Variants in MAML3 observed in about 807,000 individuals in gnomAD.
The protein encoded by MAML3 is mastermind-like protein 3.
Under a neutral mutation model 101.9 loss-of-function variants are expected in MAML3, and 27 were observed. The observed-to-expected ratio is 0.27, with a 90% CI of 0.20 to 0.37. The LOEUF (loss-of-function observed/expected upper bound fraction) is 0.37, where lower values mean the gene tolerates loss of function less well. MAML3 is among the 10% of genes least tolerant of loss of function. MAML3 has a pLI of 1.00. For missense variants in MAML3, 1,316 were observed against 1,444.9 expected, an observed-to-expected ratio of 0.91 and a Z score of 1.45; for synonymous variants, 501 against 555.9, an observed-to-expected ratio of 0.90 and a Z score of 1.39.
chr4:140,038,620 T>G (rs1301180927), intron 1 of MAML3, among the ~76,000 whole-genome samples: 1 of 152,172 alleles, frequency 6.6e-6, no homozygotes, highest in Non-Finnish European at 1.5e-5. Flanking sequence ...ACGTGTGACT[T>G]TGGACAAGTA....
intron 1 of MAML3, among the ~76,000 whole-genome samples, chr4:140,029,202 A>G (rs899825165): frequency 6.6e-6 from 1 of 152,168 alleles, no homozygotes; most frequent in Admixed American, 6.5e-5. Context: ...AGCAACACCA[A>G]TTCAACTAGA....
At chr4:139,947,739 C>T (rs1733755976) in intron 1 of MAML3, among the ~76,000 whole-genome samples, 1 of 152,090 alleles carries the variant, frequency 6.6e-6, no homozygotes, top group Non-Finnish European at 1.5e-5. Flanking sequence ...AGCAGGATTC[C>T]GTCTCAAAAA....
intron 2 of MAML3, among the ~76,000 whole-genome samples, chr4:139,882,784 G>A (rs1278939957): frequency 6.6e-6 from 1 of 152,180 alleles, no homozygotes; most frequent in Non-Finnish European, 1.5e-5. Flanking sequence ...GGGAGGCAGA[G>A]GTGGCAGTGA....
chr4:140,067,571 C>G (rs1727560332), intron 1 of MAML3, among the ~76,000 whole-genome samples: 1 of 152,044 alleles, frequency 6.6e-6, no homozygotes, highest in African/African-American at 2.4e-5. Context: ...TCTGTATTGT[C>G]TCAATATTTA....
intron 1 of MAML3, among the ~76,000 whole-genome samples, chr4:140,000,655 G>A (rs186798134): frequency 2.6e-5 from 4 of 152,274 alleles, no homozygotes; most frequent in South Asian, 4.1e-4. Flanking sequence ...GAAGAATGGC[G>A]GTGGGGAACG....
At chr4:139,781,194 G>C (rs1730198750) in intron 2 of MAML3, among the ~76,000 whole-genome samples, 2 of 151,998 alleles carry the variant, frequency 1.3e-5, no homozygotes, top group Admixed American at 1.3e-4. Context: ...CTGAAAAATA[G>C]AGTTGCAGAG....
intron 1 of MAML3, among the ~76,000 whole-genome samples, chr4:139,928,982 G>C (rs1018328995): frequency 2.6e-5 from 4 of 152,206 alleles, no homozygotes; most frequent in African/African-American, 9.7e-5. Flanking sequence ...GGAAGTATAT[G>C]AGCATAATCA....
At chr4:139,860,521 G>T (rs1578634759) in intron 2 of MAML3, among the ~76,000 whole-genome samples, 1 of 152,172 alleles carries the variant, frequency 6.6e-6, no homozygotes, top group Non-Finnish European at 1.5e-5. Context: ...CCCACAAAAT[G>T]AAGACAAATA....
intron 1 of MAML3, among the ~76,000 whole-genome samples, chr4:139,964,209 C>T (rs1734080984): frequency 6.6e-6 from 1 of 152,144 alleles, no homozygotes; most frequent in African/African-American, 2.4e-5. Flanking sequence ...CAATGATAGA[C>T]TGGATAAAGA....
chr4:139,976,833 T>C (rs1000237105), intron 1 of MAML3, among the ~76,000 whole-genome samples: 2 of 152,210 alleles, frequency 1.3e-5, no homozygotes, highest in Non-Finnish European at 2.9e-5. Context: ...GTGATTTTTT[T>C]TTCCCTCCAG....
chr4:140,038,431 T>C (rs1439497792), intron 1 of MAML3, among the ~76,000 whole-genome samples: 1 of 152,224 alleles, frequency 6.6e-6, no homozygotes, highest in Non-Finnish European at 1.5e-5. Flanking sequence ...TGGCTTCTGA[T>C]ATTTTTATGG....
chr4:140,048,274 A>T (rs557934566), intron 1 of MAML3, among the ~76,000 whole-genome samples: 148 of 152,366 alleles, frequency 9.7e-4, no homozygotes, highest in African/African-American at 3.5e-3. Flanking sequence ...AAACATGTGC[A>T]AATTCAGCAA....
chr4:139,749,757 T>TA (rs1729443353), intron 2 of MAML3, among the ~76,000 whole-genome samples: 1 of 152,138 alleles, frequency 6.6e-6, no homozygotes, highest in Non-Finnish European at 1.5e-5. Flanking sequence ...AAACAGGAGC[T>TA]CTCACTACAT....
chr4:139,861,477 ATG>A (rs55851938), intron 2 of MAML3, among the ~76,000 whole-genome samples: 2,123 of 146,352 alleles, frequency 0.015, 33 homozygotes, highest in East Asian at 0.053. Context: ...TAACCAGCCG[ATG>A]TGTGTGTGTG....
At chr4:139,813,383 C>G (rs1730837708) in intron 2 of MAML3, among the ~76,000 whole-genome samples, 1 of 152,114 alleles carries the variant, frequency 6.6e-6, no homozygotes, top group Non-Finnish European at 1.5e-5. Context: ...GCAGGGAACA[C>G]CACTGTGAAA....
chr4:140,092,207 G>C (rs557719675), intron 1 of MAML3, among the ~76,000 whole-genome samples: 3 of 150,972 alleles, frequency 2.0e-5, no homozygotes, highest in East Asian at 3.9e-4. Context: ...GCTTTTCCCC[G>C]ATGCAGACAC....
chr4:140,029,651 A>C (rs9994076), intron 1 of MAML3, among the ~76,000 whole-genome samples: 4,801 of 152,302 alleles, frequency 0.032, 254 homozygotes, highest in African/African-American at 0.11. Flanking sequence ...ATTTATAAAT[A>C]TTACATCTAT....
intron 1 of MAML3, among the ~76,000 whole-genome samples, chr4:139,983,424 T>C (rs1734481601): frequency 6.6e-6 from 1 of 152,190 alleles, no homozygotes; most frequent in African/African-American, 2.4e-5. Flanking sequence ...ACAGGTTAAA[T>C]GTTGCTGAGG....
At chr4:140,108,514 T>A (rs1728390032) in intron 1 of MAML3, among the ~76,000 whole-genome samples, 1 of 151,162 alleles carries the variant, frequency 6.6e-6, no homozygotes. Context: ...AAGGATCTTA[T>A]CTGCGAAATG....
Sources: allele counts gnomAD v4.1 joint callset (sites outside exome capture counted in the v4.1 genomes callset), GRCh38; gene constraint gnomAD v4.1.1; transcripts MANE v1.5; gene names NCBI Gene and HGNC (gene_info 2026-07-23, HGNC 2026-07-21).